Variants in PCNX4 observed in about 807,000 individuals in gnomAD.
PCNX4 encodes the protein pecanex-like protein 4.
In PCNX4, 103 loss-of-function variants were observed where a neutral mutation model predicts 107.2. The observed-to-expected ratio is 0.96, with a 90% CI of 0.82 to 1.13. The LOEUF is 1.13. Among genes scored for constraint, PCNX4 ranks in the 50% most tolerant of loss-of-function variants. PCNX4 has a pLI of 0.00. For missense variants in PCNX4, 1,528 were observed against 1,379.4 expected (o/e 1.11, Z -1.71); for synonymous variants, 541 against 481.7 (o/e 1.12, Z -1.61).
intron 1 of PCNX4, among the ~76,000 whole-genome samples, chr14:60,104,091 C>T (rs577499785): frequency 3.9e-5 from 6 of 152,076 alleles, no homozygotes; most frequent in East Asian, 1.9e-4. Flanking sequence ...GAGGCCGAGG[C>T]GGGCAGATCA....
intron 10 of PCNX4, among the ~76,000 whole-genome samples, chr14:60,129,455 T>G (rs1169606545): frequency 1.3e-5 from 2 of 151,202 alleles, no homozygotes; most frequent in Non-Finnish European, 2.9e-5. Flanking sequence ...CTTTAGAGGC[T>G]GAGGTGGGAG....
chr14:60,125,078 C>T lies in PCNX4; in HGVS notation c.2907C>T (p.Asp969=). The change falls in exon 9 of 11, where the codon GAC becomes GAT. Residue 969 remains aspartate, a synonymous_variant. Transcript: ENST00000406854. ...EEIAKDKVLK[D]FYVHTVMTCY... is the part of the protein sequence containing the mutation. ...TTGCCAAGGACAAAGTTTTAAAAGACTTTTATGTTCATACAGTAATGACTT... is the reference window on the plus strand; with the variant it reads ...TTGCCAAGGACAAAGTTTTAAAAGATTTTTATGTTCATACAGTAATGACTT... The T allele has an allele frequency of 6.2e-7, 1 of 1,613,452 alleles. No homozygotes were observed. The highest frequency in any genetic ancestry group is 1.3e-5 in the African/African-American group (1 of 75,008).
In PCNX4 at chr14:60,092,101, C is replaced by A. The variant is rs544908815; in HGVS notation, c.-372C>A. 3 of 152,454 alleles carry A rather than the reference C, an allele frequency of 2.0e-5. No individual in the cohort carries two copies. Among genetic ancestry groups the A allele is most frequent in the Non-Finnish European group, 4.4e-5 (3 of 68,094 alleles). 9.4% of individuals were successfully genotyped at this position (152,454 alleles called of 1,614,324 possible). On this transcript the variant is annotated 5_prime_UTR_variant, in exon 1 of 11. Transcript: ENST00000406854. ...ATTTCCCTGCTTCCTCTAGGCCAAG[C>A]CTGCTTTACGGCAGGGCCCGCCTCG...
intron 10 of PCNX4, among the ~76,000 whole-genome samples, chr14:60,129,889 T>C (rs538252962): frequency 1.3e-5 from 2 of 151,912 alleles, no homozygotes; most frequent in South Asian, 4.2e-4. Flanking sequence ...TATTACAAAA[T>C]AGTCAATACG....
intron 1 of PCNX4, among the ~76,000 whole-genome samples, chr14:60,101,095 C>G (rs541543029): frequency 1.5e-4 from 23 of 152,168 alleles, no homozygotes; most frequent in Non-Finnish European, 3.2e-4. Context: ...TCTGTTGATC[C>G]CAGGTCTTCA....
At chr14:60,114,162 G>A (rs1452138770) in intron 2 of PCNX4, among the ~76,000 whole-genome samples, 1 of 152,076 alleles carries the variant, frequency 6.6e-6, no homozygotes, top group African/African-American at 2.4e-5. Flanking sequence ...CCTGGGAGCG[G>A]GACAGTACAA....
Position 60,115,169 on chromosome 14 carries a change from A to T in PCNX4, c.1065A>T (p.Glu355Asp), listed in dbSNP as rs868009019. ...CGGAAAAACATTTTTCATGGAAGGA[A>T]TGCCTTTTCTACATCATTATATTAG... ...SGPEKHFSWKECLFYIIILVL... is the reference protein window; with the variant it reads ...SGPEKHFSWKDCLFYIIILVL... The change falls in exon 4 of 11, where the codon GAA (glutamate) becomes GAT (aspartate). Residue 355 changes from glutamate to aspartate, a missense_variant. Glu to Asp is a conservative substitution (Grantham distance 45, BLOSUM62 2). Transcript: ENST00000406854. 9.9e-6 allele frequency: 16 copies of T among 1,613,444 alleles called. 1 individual carries two copies. The Middle Eastern group carries it at 1.5e-3, about 149-fold the overall frequency.
chr14:60,103,128 T>C (rs999699208), intron 1 of PCNX4, among the ~76,000 whole-genome samples: 1 of 152,218 alleles, frequency 6.6e-6, no homozygotes, highest in Non-Finnish European at 1.5e-5. Flanking sequence ...TTTTTCCTTG[T>C]GTACCTCTGT....
chr14:60,115,197 T>G lies in PCNX4; in HGVS notation c.1093T>G (p.Leu365Val). 2.5e-6 allele frequency: 4 copies of G among 1,613,682 alleles called. No homozygotes were observed. Among genetic ancestry groups the G allele is most frequent in the Non-Finnish European group, 3.4e-6 (4 of 1,179,618 alleles). The change falls in exon 4 of 11, where the codon TTG becomes GTG. Residue 365 changes from leucine (L) to valine (V), a missense_variant. By Grantham distance (32) the Leu-to-Val change is conservative. Coordinates refer to ENST00000406854, the MANE Select transcript of PCNX4 (RefSeq NM_001330177.2). Reference protein sequence around the residue: ...ECLFYIIILVLALLETSLLHH... With the variant: ...ECLFYIIILVVALLETSLLHH... ...CCTTTTCTACATCATTATATTAGTCTTGGCTCTTTTAGAAACTAGCTTGCT... is the reference window on the plus strand; with the variant it reads ...CCTTTTCTACATCATTATATTAGTCGTGGCTCTTTTAGAAACTAGCTTGCT...
In PCNX4 at chr14:60,125,038, A is replaced by G. The variant is rs1896027265; in HGVS notation, c.2867A>G (p.Asn956Ser). ...ECYHSEEKAS[N>S]VLEEIAKDKV... ...TATCATTCAGAAGAGAAGGCCTCAAATGTACTGGAAGAAATTGCCAAGGAC... is the reference window on the plus strand; with the variant it reads ...TATCATTCAGAAGAGAAGGCCTCAAGTGTACTGGAAGAAATTGCCAAGGAC... The change falls in exon 9 of 11, where the codon AAT becomes AGT. Residue 956 changes from asparagine (N) to serine (S), a missense_variant. Physicochemically the swap from Asn to Ser is conservative, Grantham distance 46. Transcript: ENST00000406854. 1 of 1,613,724 alleles carries G rather than the reference A, an allele frequency of 6.2e-7. No homozygotes were observed. The highest frequency in any genetic ancestry group is 8.5e-7 in the Non-Finnish European group (1 of 1,179,734).
chr14:60,115,974 A>C lies in PCNX4; in HGVS notation c.1492A>C (p.Thr498Pro). 1 of 1,612,188 alleles carries C rather than the reference A, an allele frequency of 6.2e-7. No individual in the cohort carries two copies. Among genetic ancestry groups the C allele is most frequent in the Non-Finnish European group, 8.5e-7 (1 of 1,178,778 alleles). Residue 498 changes from threonine to proline, a missense_variant, in exon 6 of 11, where the codon ACA (threonine) becomes CCA (proline). Physicochemically the swap from Thr to Pro is conservative, Grantham distance 38. Transcript: ENST00000406854. The part of the protein sequence containing the change: ...WQNTENALLE[T>P]VIVSTVHLIS... ...GAATACAGAAAATGCTTTATTGGAGACAGTCATTGTATCAACAGTACACTT... is the reference window on the plus strand; with the variant it reads ...GAATACAGAAAATGCTTTATTGGAGCCAGTCATTGTATCAACAGTACACTT...
chr14:60,098,177 C>T (rs769089893), intron 1 of PCNX4, among the ~76,000 whole-genome samples: 1 of 152,170 alleles, frequency 6.6e-6, no homozygotes, highest in African/African-American at 2.4e-5. Context: ...TAACCTTCCC[C>T]CTGGCTGGAG....
intron 4 of PCNX4, 42 bp downstream of exon 4, chr14:60,115,503 TC>T: frequency 6.7e-7 from 1 of 1,497,580 alleles, no homozygotes; most frequent in Non-Finnish European, 8.9e-7. Flanking sequence ...ACAAATCATA[TC>T]CTGGAAGTAT....
intron 10 of PCNX4, among the ~76,000 whole-genome samples, chr14:60,130,376 A>G (rs1412615051): frequency 2.0e-5 from 3 of 151,716 alleles, no homozygotes; most frequent in African/African-American, 7.3e-5. Context: ...TAAAAAAACT[A>G]TTTAACAAAA....
rs1472656056 is a variant in PCNX4 at position 60,107,782 on chromosome 14, T to C, written c.144T>C (p.Phe48=). ...TATATGTTAATCAAATTATTCTTTT[T>C]CTAATGCCATGGGTTTGGGGTGGAG... ...PYIYVNQIIL[F]LMPWVWGGVG... is the part of the protein sequence containing the mutation. The change falls in exon 2 of 11, where the codon TTT becomes TTC. Residue 48 remains phenylalanine, a synonymous_variant. Transcript: ENST00000406854. 2 of 1,612,692 alleles carry C rather than the reference T, an allele frequency of 1.2e-6. No individual in the cohort carries two copies. The highest frequency in any genetic ancestry group is 1.7e-6 in the Non-Finnish European group (2 of 1,179,840).
intron 1 of PCNX4, among the ~76,000 whole-genome samples, chr14:60,105,806 A>G (rs1895617262): frequency 6.6e-6 from 1 of 152,174 alleles, no homozygotes; most frequent in Non-Finnish European, 1.5e-5. Flanking sequence ...AAGCCACCCT[A>G]CCTTGTTTCC....
chr14:60,108,463 A>G (rs1895673599), intron 2 of PCNX4, 136 bp downstream of exon 2: 1 of 625,544 alleles, frequency 1.6e-6, no homozygotes, highest in Admixed American at 3.3e-5. Flanking sequence ...GGTTATTTTG[A>G]TAATTATTCT....
Position 60,142,731 on chromosome 14 carries a change from G to A in PCNX4, c.*8510G>A, listed in dbSNP as rs1896321049. The A allele has an allele frequency of 6.6e-6, 1 of 152,310 alleles. No homozygotes were observed. The highest frequency in any genetic ancestry group is 6.5e-5 in the Admixed American group (1 of 15,272). The allele number at this position is 152,310 out of a possible 1,614,324, so 9.4% of individuals were successfully genotyped here. On this transcript the variant is annotated 3_prime_UTR_variant, in exon 11 of 11. Coordinates refer to ENST00000406854, the MANE Select transcript of PCNX4 (RefSeq NM_001330177.2). The surrounding 1 kb of genome is among the most constrained non-coding windows in gnomAD (Gnocchi z 4.7). ...GAGCGGTGGCACTTTGGGAGGCCAG[G>A]GCGGGTGGATCATTTGAGGTCAGGA...
At chr14:60,116,888 A>G (rs533375985) in intron 6 of PCNX4, among the ~76,000 whole-genome samples, 2 of 152,262 alleles carry the variant, frequency 1.3e-5, no homozygotes, top group East Asian at 3.9e-4. Flanking sequence ...GCCTAGACTG[A>G]TACGTGTTTT....
Sources: gnomAD v4.1 joint callset for allele counts (sites outside exome capture counted in the v4.1 genomes callset) on GRCh38, gnomAD v4.1.1 for gene constraint, Gnocchi (gnomAD v3.1) non-coding constraint, MANE v1.5 for transcripts, NCBI Gene and HGNC (gene_info 2026-07-23, HGNC 2026-07-21) for gene names.